Variants in GLCCI1 observed in about 807,000 individuals in gnomAD.
GLCCI1 encodes the protein glucocorticoid-induced transcript 1 protein.
In GLCCI1, 24 loss-of-function variants were observed where a neutral mutation model predicts 52.2. That is an observed-to-expected ratio of 0.46 (90% CI 0.33 to 0.65). The LOEUF is 0.65. Among genes scored for constraint, GLCCI1 ranks in the 30% least tolerant of loss-of-function variants. The probability of loss-of-function intolerance (pLI) is 0.02; values close to 1 mark genes in which losing one functional copy is unlikely to be tolerated. For synonymous variants in GLCCI1, 310 were observed against 276.5 expected (o/e 1.12, Z -1.20); for missense variants, 704 against 701.5 (o/e 1.00, Z -0.04).
intron 4 of GLCCI1, among the ~76,000 whole-genome samples, chr7:8,059,356 C>T (rs924594210): frequency 1.4e-4 from 22 of 152,288 alleles, no homozygotes; most frequent in Non-Finnish European, 2.8e-4. Flanking sequence ...TACCTTATCA[C>T]AGATCATGTA....
At chr7:7,978,712 C>T (rs1179894709) in intron 1 of GLCCI1, among the ~76,000 whole-genome samples, 1 of 151,964 alleles carries the variant, frequency 6.6e-6, no homozygotes, top group Admixed American at 6.6e-5. Flanking sequence ...ATTTACTTTT[C>T]TAGTTAAATA....
At chr7:8,043,243 T>C (rs779959733) in intron 3 of GLCCI1, among the ~76,000 whole-genome samples, 1 of 152,174 alleles carries the variant, frequency 6.6e-6, no homozygotes, top group Non-Finnish European at 1.5e-5. Flanking sequence ...TGTGACTCAC[T>C]TCATTGCTAT....
At chr7:8,056,266 C>G (rs896826025) in intron 4 of GLCCI1, among the ~76,000 whole-genome samples, 3 of 151,968 alleles carry the variant, frequency 2.0e-5, no homozygotes, top group African/African-American at 7.2e-5. Context: ...CCACTGCACT[C>G]CAGCCTGGGT....
intron 5 of GLCCI1, among the ~76,000 whole-genome samples, chr7:8,065,564 G>T (rs1422843657): frequency 6.6e-6 from 1 of 152,180 alleles, no homozygotes. Flanking sequence ...TTCTTATCTT[G>T]AAGTATGTTC....
intron 1 of GLCCI1, among the ~76,000 whole-genome samples, chr7:7,973,511 C>T (rs915593472): frequency 2.0e-5 from 3 of 151,726 alleles, no homozygotes; most frequent in South Asian, 2.1e-4. Flanking sequence ...ATTTAGAATA[C>T]TCTGGATGGA....
At chr7:8,079,682 G>A (rs1482033005) in intron 6 of GLCCI1, among the ~76,000 whole-genome samples, 2 of 151,336 alleles carry the variant, frequency 1.3e-5, no homozygotes, top group East Asian at 3.8e-4. Context: ...TAACTTTTTG[G>A]CTTAATTTGT....
At chr7:8,043,945 ATTTT>A (rs35175770) in intron 3 of GLCCI1, among the ~76,000 whole-genome samples, 1 of 139,150 alleles carries the variant, frequency 7.2e-6, no homozygotes, top group Admixed American at 7.1e-5. Flanking sequence ...GAAGCACTAA[ATTTT>A]TTTTTTTTTT....
At chr7:8,016,912 A>G (rs970074384) in intron 2 of GLCCI1, among the ~76,000 whole-genome samples, 1 of 152,244 alleles carries the variant, frequency 6.6e-6, no homozygotes. Context: ...TATTGATTAT[A>G]CAATTATGAA....
chr7:7,993,024 C>T (rs1780872597), intron 1 of GLCCI1, among the ~76,000 whole-genome samples: 1 of 152,030 alleles, frequency 6.6e-6, no homozygotes, highest in East Asian at 1.9e-4. Flanking sequence ...TTTTAGCTTA[C>T]TTTGAAATAT....
intron 6 of GLCCI1, chr7:8,084,696 G>A (rs1783066537): frequency 2.0e-6 from 1 of 499,704 alleles, no homozygotes; most frequent in Non-Finnish European, 3.5e-6. Context: ...ATGTTCTATG[G>A]TGTGGCAGAT....
At chr7:8,065,730 G>A (rs548945513) in intron 5 of GLCCI1, among the ~76,000 whole-genome samples, 64 of 152,276 alleles carry the variant, frequency 4.2e-4, no homozygotes, top group African/African-American at 1.4e-3. Flanking sequence ...AACCAACATT[G>A]CATCCCAGGG....
intron 3 of GLCCI1, among the ~76,000 whole-genome samples, chr7:8,032,667 C>T (rs1363519885): frequency 1.3e-5 from 2 of 151,880 alleles, no homozygotes; most frequent in Non-Finnish European, 2.9e-5. Flanking sequence ...TCCTAAAAGA[C>T]ACAAATTAGT....
chr7:8,073,529 G>A (rs1209363846), intron 6 of GLCCI1, among the ~76,000 whole-genome samples: 3 of 151,806 alleles, frequency 2.0e-5, no homozygotes, highest in African/African-American at 7.3e-5. Flanking sequence ...TGTAAAATGA[G>A]AACATTGGTT....
chr7:8,023,383 A>G (rs553891522), intron 3 of GLCCI1, among the ~76,000 whole-genome samples: 2 of 152,160 alleles, frequency 1.3e-5, no homozygotes, highest in South Asian at 4.2e-4. Flanking sequence ...CTTAGTTTCT[A>G]TGACCCGTTT....
chr7:7,989,569 A>C (rs1780800485), intron 1 of GLCCI1, among the ~76,000 whole-genome samples: 2 of 152,118 alleles, frequency 1.3e-5, no homozygotes, highest in Admixed American at 1.3e-4. Flanking sequence ...ATTCTACTTG[A>C]GGCTCTTCCC....
At chr7:8,015,294 C>G (rs1165895552) in intron 2 of GLCCI1, among the ~76,000 whole-genome samples, 1 of 152,252 alleles carries the variant, frequency 6.6e-6, no homozygotes, top group Non-Finnish European at 1.5e-5. Flanking sequence ...TTTTATCACT[C>G]TGATCAGAAA....
intron 3 of GLCCI1, among the ~76,000 whole-genome samples, chr7:8,052,439 G>A (rs755129083): frequency 3.3e-5 from 5 of 152,190 alleles, no homozygotes; most frequent in South Asian, 2.1e-4. Context: ...GTTGGTTATG[G>A]CTTAAAAGTT....
At chr7:8,069,225 G>T (rs894608230) in intron 5 of GLCCI1, among the ~76,000 whole-genome samples, 1 of 152,148 alleles carries the variant, frequency 6.6e-6, no homozygotes, top group African/African-American at 2.4e-5. Context: ...CCACCCCAGA[G>T]AAATAGCAGA....
At chr7:7,996,798 C>T (rs1477009867) in intron 1 of GLCCI1, among the ~76,000 whole-genome samples, 1 of 152,146 alleles carries the variant, frequency 6.6e-6, no homozygotes, top group African/African-American at 2.4e-5. Context: ...GCAGGGCAGC[C>T]ATATGGTCAT....
Sources: gnomAD v4.1 joint callset for allele counts (sites outside exome capture counted in the v4.1 genomes callset) on GRCh38, gnomAD v4.1.1 for gene constraint, MANE v1.5 for transcripts, NCBI Gene and HGNC (gene_info 2026-07-23, HGNC 2026-07-21) for gene names.